CDH2: variants seen among roughly 807,000 people sequenced by gnomAD.
The protein encoded by CDH2 is cadherin 2, also known as cadherin-2.
Under a neutral mutation model 92.0 loss-of-function variants are expected in CDH2, and 17 were observed. That is an observed-to-expected ratio of 0.18 (90% CI 0.13 to 0.28). The LOEUF (loss-of-function observed/expected upper bound fraction) is 0.28, where lower values mean the gene tolerates loss of function less well. Ranked by LOEUF, CDH2 falls within the 10% of genes least tolerant of loss-of-function variation. The pLI is 1.00. For synonymous variants in CDH2, 419 were observed against 415.9 expected (o/e 1.01, Z -0.09); for missense variants, 862 against 1,133.1 (o/e 0.76, Z 3.44).
chr18:28,090,659 C>T (rs1378780999), intron 2 of CDH2, among the ~76,000 whole-genome samples: 1 of 152,168 alleles, frequency 6.6e-6, no homozygotes, highest in African/African-American at 2.4e-5. Flanking sequence ...AAACTGGTGG[C>T]AATGCTATAA....
intron 6 of CDH2, among the ~76,000 whole-genome samples, chr18:27,935,847 C>G (rs957238001): frequency 6.6e-6 from 1 of 152,142 alleles, no homozygotes; most frequent in Admixed American, 6.5e-5. Flanking sequence ...GTTTCTTATG[C>G]AACTAAATTT....
chr18:28,092,223 T>A (rs1019432017), intron 2 of CDH2, among the ~76,000 whole-genome samples: 6 of 152,142 alleles, frequency 3.9e-5, no homozygotes, highest in African/African-American at 1.4e-4. Context: ...CAGTCTAACA[T>A]GTAATGACAG....
chr18:28,074,217 G>T (rs1050049240), intron 2 of CDH2, among the ~76,000 whole-genome samples: 4 of 152,096 alleles, frequency 2.6e-5, no homozygotes, highest in African/African-American at 9.7e-5. Flanking sequence ...GATCAAATGA[G>T]GCCATTCCTT....
chr18:28,131,340 T>C (rs945155364), intron 2 of CDH2, among the ~76,000 whole-genome samples: 1 of 152,308 alleles, frequency 6.6e-6, no homozygotes, highest in East Asian at 1.9e-4. Flanking sequence ...GTAATTGTTA[T>C]ACCCCAACTT....
intron 10 of CDH2, among the ~76,000 whole-genome samples, chr18:27,989,744 T>G (rs1367630969): frequency 1.3e-5 from 2 of 152,182 alleles, no homozygotes; most frequent in African/African-American, 2.4e-5. Context: ...GGAGGAGAGA[T>G]AAATGTTATA....
At chr18:28,100,476 A>G (rs1458105852) in intron 2 of CDH2, among the ~76,000 whole-genome samples, 1 of 151,198 alleles carries the variant, frequency 6.6e-6, no homozygotes. Flanking sequence ...TTGCTGACTC[A>G]ACCTGCAGAT....
chr18:28,067,029 G>A (rs1349910323), intron 2 of CDH2, among the ~76,000 whole-genome samples: 1 of 151,956 alleles, frequency 6.6e-6, no homozygotes. Flanking sequence ...CTCTATAAAT[G>A]TACTAACAAA....
chr18:28,123,735 A>G (rs1373745158), intron 2 of CDH2, among the ~76,000 whole-genome samples: 3 of 152,116 alleles, frequency 2.0e-5, no homozygotes, highest in African/African-American at 7.2e-5. Context: ...CTCACTAAAT[A>G]AAGGGTTCTG....
At chr18:28,025,585 C>T (rs1336050973) in intron 2 of CDH2, among the ~76,000 whole-genome samples, 1 of 149,964 alleles carries the variant, frequency 6.7e-6, no homozygotes, top group African/African-American at 2.4e-5. Flanking sequence ...CAGAGCAAGC[C>T]ATAAGAGTAA....
At position 28,005,850 on chromosome 18, in the gene CDH2, A is replaced by AGGC; in HGVS notation, c.843_845dup (p.Pro282dup). The AGGC allele has an allele frequency of 6.2e-7, 1 of 1,608,446 alleles. No homozygotes were observed. The highest frequency in any genetic ancestry group is 8.5e-7 in the Non-Finnish European group (1 of 1,176,574). On this transcript the variant is annotated inframe_insertion and splice_region_variant, in exon 6 of 16. Transcript: ENST00000269141. ...TCAAATTATTATCTTTAAACTTACC[A>AGGC]GGCTTTGATCCCTCAGGAACTGTCC...
intron 14 of CDH2, among the ~76,000 whole-genome samples, chr18:27,965,304 C>A (rs1001723037): frequency 6.6e-6 from 1 of 152,220 alleles, no homozygotes; most frequent in East Asian, 1.9e-4. Flanking sequence ...CATACATACG[C>A]TGATGGAAAA....
chr18:28,013,858 T>G lies in CDH2; in HGVS notation c.224A>C (p.Glu75Ala). The change falls in exon 3 of 16, where the codon GAG (glutamate) becomes GCG (alanine). Residue 75 changes from glutamate to alanine, a missense_variant. Physicochemically the swap from Glu to Ala is moderately radical, Grantham distance 107. This residue lies in a region of CDH2 where 159 missense variants were observed against 177.2 expected (regional missense o/e 0.90). Transcript: ENST00000269141. ...TTCATCCACCTTAAAATCTGCAGGC[T>G]CACTGCTCTCATATTGTACTTTTCT... ...GKRKVQYESS[E>A]PADFKVDEDG... is the part of the protein sequence containing the mutation. 1 of 1,613,958 alleles carries G rather than the reference T, an allele frequency of 6.2e-7. No individual in the cohort carries two copies. Among genetic ancestry groups the G allele is most frequent in the Non-Finnish European group, 8.5e-7 (1 of 1,179,962 alleles).
intron 2 of CDH2, among the ~76,000 whole-genome samples, chr18:28,076,252 C>G (rs554380246): frequency 6.6e-6 from 1 of 152,128 alleles, no homozygotes; most frequent in Non-Finnish European, 1.5e-5. Flanking sequence ...TCTAGACTAA[C>G]ATTTTGTTAC....
chr18:28,006,063 AGGC>A, intron 5 of CDH2, 70 bp from the exon 6 acceptor site: 1 of 1,239,232 alleles, frequency 8.1e-7, no homozygotes, highest in African/African-American at 1.5e-5. Context: ...CATCATCATA[AGGC>A]TACAAAAATA....
chr18:28,137,420 G>GA (rs2015880839), intron 2 of CDH2, among the ~76,000 whole-genome samples: 1 of 152,066 alleles, frequency 6.6e-6, no homozygotes, highest in Non-Finnish European at 1.5e-5. Context: ...ATTGAAGAGG[G>GA]AAAAATAATA....
At position 27,985,157 on chromosome 18, in the gene CDH2, A is replaced by G. The variant is rs777968729; in HGVS notation, c.2052T>C (p.Asp684=). ...GIYEVPIIIT[D]SGNPPKSNIS... ...TATTTGATTTGGGAGGATTACCCGA[A>G]TCTGTGATTATGATGGGAACTTCAT... The change falls in exon 13 of 16, where the codon GAT becomes GAC. Residue 684 remains aspartate, a synonymous_variant. Transcript: ENST00000269141. The G allele has an allele frequency of 2.5e-6, 4 of 1,613,914 alleles. No homozygotes were observed. The South Asian group carries it at 3.3e-5, about 13-fold the overall frequency.
rs201799084 is a variant in CDH2 at position 27,990,313 on chromosome 18, G to A, written c.1382C>T (p.Thr461Ile). Reference protein sequence around the residue: ...DFETNRMFVLTVAAENQVPLA... With the variant: ...DFETNRMFVLIVAAENQVPLA... The stretch of plus-strand genomic sequence containing the variant: ...TGGCACTTGATTTTCTGCAGCAACA[G>A]TAAGGACAAACATCCTATTTGTTTC... Residue 461 changes from threonine (T) to isoleucine (I), a missense_variant, in exon 10 of 16, where the codon ACT (threonine) becomes ATT (isoleucine). Around this residue, in one of 5 missense-constraint regions of CDH2, gnomAD observed 564 missense variants for 722.2 expected, o/e 0.78. Coordinates refer to ENST00000269141, the MANE Select transcript of CDH2 (RefSeq NM_001792.5). 4.2e-5 allele frequency: 67 copies of A among 1,613,564 alleles called. No individual in the cohort carries two copies. Among genetic ancestry groups the A allele is most frequent in the Non-Finnish European group, 5.7e-5 (67 of 1,179,664 alleles).
intron 2 of CDH2, among the ~76,000 whole-genome samples, chr18:28,049,046 T>C (rs1050567500): frequency 3.9e-5 from 6 of 152,140 alleles, no homozygotes; most frequent in African/African-American, 1.4e-4. Flanking sequence ...TAACTGATAC[T>C]CCCAGTTATT....
In CDH2 at chr18:28,077,354, T is replaced by C. The variant is rs1430790296; in HGVS notation, c.173-63445A>G. 2.6e-5 allele frequency among the ~76,000 whole-genome samples: 4 copies of C among 152,160 alleles called. No individual in the cohort carries two copies. The East Asian group carries it at 5.8e-4, about 22-fold the overall frequency. ...CTCCTAAACGAACAACATGAAAATT[T>C]ACAAAGGAAGATGTTACCGGATCAG... On this transcript the variant is annotated intron_variant, in intron 2 of 15. Transcript: ENST00000269141.
Sources: allele counts gnomAD v4.1 joint callset (sites outside exome capture counted in the v4.1 genomes callset), GRCh38; gene constraint gnomAD v4.1.1; regional missense constraint gnomAD v4.1.1; transcripts MANE v1.5; gene names NCBI Gene and HGNC (gene_info 2026-07-23, HGNC 2026-07-21).